Variants in RANBP2 observed in about 807,000 individuals in gnomAD.
RANBP2 encodes the protein E3 SUMO-protein ligase RanBP2.
RANBP2 carries 57 observed loss-of-function variants against 303.6 expected under a neutral mutation model. The ratio of observed to expected loss-of-function variants is 0.19; its 90% CI spans 0.15 to 0.23. The LOEUF is 0.23. Ranked by LOEUF, RANBP2 falls within the 10% of genes least tolerant of loss-of-function variation. The pLI is 1.00. For missense variants in RANBP2, 3,138 were observed against 3,780.8 expected, an observed-to-expected ratio of 0.83 and a Z score of 4.46; for synonymous variants, 1,167 against 1,301.5, an observed-to-expected ratio of 0.90 and a Z score of 2.23.
At chr2:109,635,205 T>A in the RANBP2 span, among the ~76,000 whole-genome samples, 2 of 152,120 alleles carry the variant, frequency 1.3e-5, no homozygotes, top group Non-Finnish European at 2.9e-5. Flanking sequence ...TATTTTGAGA[T>A]GGAGTCTCGC....
the RANBP2 span, among the ~76,000 whole-genome samples, chr2:109,505,624 C>T: frequency 1.3e-5 from 2 of 152,212 alleles, no homozygotes; most frequent in Non-Finnish European, 2.9e-5. Context: ...TGTGTGCTCA[C>T]TCTCCCTCCG....
chr2:109,303,523 C>T, the RANBP2 span, among the ~76,000 whole-genome samples: 1 of 152,244 alleles, frequency 6.6e-6, no homozygotes, highest in Non-Finnish European at 1.5e-5. Context: ...TAAGGTGACC[C>T]TGCAATGGTC....
chr2:109,416,472 C>T, the RANBP2 span, among the ~76,000 whole-genome samples: 1 of 152,252 alleles, frequency 6.6e-6, no homozygotes, highest in African/African-American at 2.4e-5. Flanking sequence ...GCAACTTCCG[C>T]CTCCTGGGTT....
At chr2:109,617,164 T>C in the RANBP2 span, 1 of 166,658 alleles carries the variant, frequency 6.0e-6, no homozygotes, top group Non-Finnish European at 1.5e-5. Flanking sequence ...CTTGTAGCAA[T>C]GTTTTACAAA....
At chr2:108,743,537 C>A (rs1696283704) in intron 7 of RANBP2, among the ~76,000 whole-genome samples, 2 of 152,134 alleles carry the variant, frequency 1.3e-5, no homozygotes, top group Non-Finnish European at 2.9e-5. Context: ...CCTTGCCCTC[C>A]CAAAGTGCTG....
chr2:109,409,084 C>A, the RANBP2 span, among the ~76,000 whole-genome samples: 1 of 152,212 alleles, frequency 6.6e-6, no homozygotes, highest in Non-Finnish European at 1.5e-5. Flanking sequence ...TTGAGATTTT[C>A]ATTCACCAAA....
the RANBP2 span, among the ~76,000 whole-genome samples, chr2:109,732,137 C>T: frequency 2.0e-5 from 3 of 152,124 alleles, no homozygotes; most frequent in Non-Finnish European, 4.4e-5. Flanking sequence ...GGATTATAGG[C>T]GTGAACTAGC....
chr2:109,012,787 G>A, the RANBP2 span, among the ~76,000 whole-genome samples: 1 of 152,140 alleles, frequency 6.6e-6, no homozygotes, highest in African/African-American at 2.4e-5. Context: ...GTTGGCGGGA[G>A]CCTGTAATCC....
the RANBP2 span, among the ~76,000 whole-genome samples, chr2:108,988,587 G>A: frequency 1.3e-5 from 2 of 152,044 alleles, no homozygotes; most frequent in Non-Finnish European, 2.9e-5. Context: ...AGTCCCTGCC[G>A]CGCCTGCCTT....
chr2:108,765,194 G>A lies in RANBP2; in HGVS notation c.4655G>A (p.Cys1552Tyr). ...GAAGGACAGTGGGATTGCAGTTCAT[G>A]CTTAGTGCGAAATGAAGCAAATGCT... is the stretch of plus-strand genomic sequence containing the variant. ...KKEGQWDCSSCLVRNEANATR... is the reference protein window; with the variant it reads ...KKEGQWDCSSYLVRNEANATR... The change falls in exon 20 of 29, where the codon TGC (cysteine) becomes TAC (tyrosine). Residue 1552 changes from cysteine to tyrosine, a missense_variant. Physicochemically the swap from Cys to Tyr is radical, Grantham distance 194 (BLOSUM62 -2). Around this residue, in one of 20 missense-constraint regions of RANBP2, gnomAD observed 388 missense variants for 328.5 expected, o/e 1.18. Transcript: ENST00000283195. 6.2e-7 allele frequency: 1 copy of A among 1,614,166 alleles called. No homozygotes were observed. The highest frequency in any genetic ancestry group is 8.5e-7 in the Non-Finnish European group (1 of 1,180,000).
chr2:108,774,582 T>C (rs1677741531), intron 23 of RANBP2, among the ~76,000 whole-genome samples: 1 of 152,226 alleles, frequency 6.6e-6, no homozygotes, highest in South Asian at 2.1e-4. Context: ...TCCCTTTAAA[T>C]GTTGAGCAGT....
At chr2:109,267,539 C>T in the RANBP2 span, among the ~76,000 whole-genome samples, 5 of 152,304 alleles carry the variant, frequency 3.3e-5, no homozygotes, top group Non-Finnish European at 7.4e-5. Context: ...GCCCCACTCC[C>T]TTCCAACAGA....
chr2:109,534,291 G>C, the RANBP2 span, among the ~76,000 whole-genome samples: 1 of 152,148 alleles, frequency 6.6e-6, no homozygotes, highest in Non-Finnish European at 1.5e-5. Flanking sequence ...TGCCACTGCC[G>C]TCTCAAGTCC....
the RANBP2 span, among the ~76,000 whole-genome samples, chr2:108,822,650 A>G: frequency 2.0e-5 from 3 of 152,228 alleles, no homozygotes; most frequent in South Asian, 4.1e-4. Flanking sequence ...AAGGATAACT[A>G]TAAAATCCAC....
At chr2:109,058,538 G>T in the RANBP2 span, among the ~76,000 whole-genome samples, 1 of 152,296 alleles carries the variant, frequency 6.6e-6, no homozygotes, top group Admixed American at 6.5e-5. Context: ...GCACAAATGT[G>T]GCGCCTGCTT....
the RANBP2 span, among the ~76,000 whole-genome samples, chr2:109,661,688 A>G: frequency 6.6e-6 from 1 of 152,208 alleles, no homozygotes; most frequent in Non-Finnish European, 1.5e-5. Flanking sequence ...AGTGCAAGAC[A>G]TGGGGCACAG....
the RANBP2 span, among the ~76,000 whole-genome samples, chr2:109,476,106 G>A: frequency 1.3e-5 from 2 of 152,204 alleles, no homozygotes; most frequent in Admixed American, 6.5e-5. Flanking sequence ...CAGGTTAAGT[G>A]TTCTTACCAA....
In RANBP2 at chr2:108,772,127, G is replaced by C. The variant is rs114149858; in HGVS notation, c.8020+256G>C. 2.8e-3 allele frequency among the ~76,000 whole-genome samples: 430 copies of C among 152,312 alleles called. 2 individuals are homozygous for C. Among genetic ancestry groups the C allele is most frequent in the Non-Finnish European group, 4.5e-3 (303 of 68,030 alleles). ...GGGGATTTAAAATAATTATAATTTT[G>C]CTGGAGTCTTAAAGATGTGGAAGAG... On this transcript the variant is annotated intron_variant, in intron 21 of 28. Transcript: ENST00000283195.
rs373635237 is a variant in RANBP2, at chr2:108,763,817, T to C, written c.3278T>C (p.Ile1093Thr). 19 of 1,614,072 alleles carry C rather than the reference T, an allele frequency of 1.2e-5. 1 individual carries two copies. Among genetic ancestry groups the C allele is most frequent in the Admixed American group, 8.3e-5 (5 of 59,996 alleles). Residue 1093 changes from isoleucine (I) to threonine (T), a missense_variant, in exon 20 of 29, where the codon ATT becomes ACT. By Grantham distance (89) the Ile-to-Thr change is moderately conservative (BLOSUM62 -1). Coordinates refer to ENST00000283195, the MANE Select transcript of RANBP2 (RefSeq NM_006267.5). ...GAKPIPGGQT[I>T]GPRNTFNFGS... is the part of the protein sequence containing the mutation. ...AAACCAATTCCTGGTGGTCAAACCA[T>C]TGGGCCTCGAAATACATTCAATTTT...
Sources: allele counts gnomAD v4.1 joint callset (sites outside exome capture counted in the v4.1 genomes callset), GRCh38; gene constraint gnomAD v4.1.1; regional missense constraint gnomAD v4.1.1; transcripts MANE v1.5; gene names NCBI Gene and HGNC (gene_info 2026-07-23, HGNC 2026-07-21).